Variants in GIPC1 observed in about 807,000 individuals in gnomAD.
GIPC1 encodes PDZ domain-containing protein GIPC1.
GIPC1 carries 15 observed loss-of-function variants against 28.5 expected under a neutral mutation model. The ratio of observed to expected loss-of-function variants is 0.53; its 90% confidence interval spans 0.35 to 0.81. GIPC1 has a LOEUF of 0.81. Ranked by LOEUF, GIPC1 falls within the 30% of genes least tolerant of loss-of-function variation. The probability of loss-of-function intolerance (pLI) is 0.01; values close to 1 mark genes in which losing one functional copy is unlikely to be tolerated. For missense variants in GIPC1, 439 were observed against 481.9 expected, an observed-to-expected ratio of 0.91 and a Z score of 0.83; for synonymous variants, 224 against 206.1, an observed-to-expected ratio of 1.09 and a Z score of -0.74.
intron 3 of GIPC1, among the ~76,000 whole-genome samples, chr19:14,484,162 A>G (rs1599353769): frequency 8.1e-6 from 1 of 124,154 alleles, no homozygotes; most frequent in Admixed American, 9.4e-5. Context: ...ACTGAGTCTC[A>G]CTCCGTTGCC....
chr19:14,490,382 A>G (rs985651948), intron 3 of GIPC1, among the ~76,000 whole-genome samples: 1 of 150,486 alleles, frequency 6.6e-6, no homozygotes, highest in Non-Finnish European at 1.5e-5. Flanking sequence ...AAAAAAAAGA[A>G]AATACATTAG....
At position 14,478,293 on chromosome 19, in the gene GIPC1, A is replaced by T; in HGVS notation, c.*123T>A. 1 of 1,009,232 alleles carries T rather than the reference A, an allele frequency of 9.9e-7. No homozygotes were observed. Among genetic ancestry groups the T allele is most frequent in the Non-Finnish European group, 1.4e-6 (1 of 698,010 alleles). 62.5% of individuals were successfully genotyped at this position (1,009,232 alleles called of 1,614,324 possible). A position where few individuals can be genotyped will look rare whatever the true frequency, so the allele number is the denominator to read the frequency against. Reference sequence around the variant, plus strand: ...AGGGGGCCTGGCCCCACCTCCCCTCACCATCGTCCTTGGGCTGCTGAGCTA... The same window carrying T: ...AGGGGGCCTGGCCCCACCTCCCCTCTCCATCGTCCTTGGGCTGCTGAGCTA... On this transcript the variant is annotated 3_prime_UTR_variant, in exon 9 of 9. Transcript: ENST00000393033. This position sits in a 1 kb window ranked among gnomAD's most constrained non-coding sequence, Gnocchi z 5.2.
chr19:14,479,366 A>G (rs1599345359), intron 7 of GIPC1, 46 bp downstream of exon 7: 12 of 805,500 alleles, frequency 1.5e-5, no homozygotes, highest in Non-Finnish European at 2.0e-5. Context: ...AAAAAAAAAA[A>G]GAAAGGGAAG....
chr19:14,485,712 G>T (rs1406206406), intron 3 of GIPC1, among the ~76,000 whole-genome samples: 1,002 of 41,568 alleles, frequency 0.024, 9 homozygotes, highest in Middle Eastern at 0.044. Flanking sequence ...TAGAGAGAGA[G>T]AGAGAGAGAG....
chr19:14,482,346 AC>A, intron 4 of GIPC1: 1 of 388,862 alleles, frequency 2.6e-6, no homozygotes, highest in South Asian at 2.5e-5. Flanking sequence ...CTAGTCTTGC[AC>A]AATCTACTGG....
chr19:14,493,752 C>G (rs932381525), intron 1 of GIPC1, among the ~76,000 whole-genome samples: 4 of 152,228 alleles, frequency 2.6e-5, no homozygotes, highest in African/African-American at 9.6e-5. Context: ...CTCTGCCTAC[C>G]GGGTTCAAGC....
Sources: gnomAD v4.1 joint callset for allele counts (sites outside exome capture counted in the v4.1 genomes callset) on GRCh38, gnomAD v4.1.1 for gene constraint, Gnocchi (gnomAD v3.1) non-coding constraint, MANE v1.5 for transcripts, NCBI Gene and HGNC (gene_info 2026-07-23, HGNC 2026-07-21) for gene names.